Variants in EYS observed in about 807,000 individuals in gnomAD.
EYS encodes EGF-like photoreceptor maintenance factor.
EYS carries 250 observed loss-of-function variants against 282.1 expected under a neutral mutation model. The observed-to-expected ratio is 0.89, with a 90% CI of 0.80 to 0.98. The LOEUF (loss-of-function observed/expected upper bound fraction) is 0.98, where lower values mean the gene tolerates loss of function less well. Among genes scored for constraint, EYS ranks in the 50% least tolerant of loss-of-function variants. The pLI, the probability that EYS is intolerant of heterozygous loss-of-function variation, is 0.00. For missense variants in EYS, 4,016 were observed against 3,709.0 expected, an observed-to-expected ratio of 1.08 and a Z score of -2.15; for synonymous variants, 1,355 against 1,282.9, an observed-to-expected ratio of 1.06 and a Z score of -1.20.
chr6:63,940,568 T>C (rs1765203588), intron 35 of EYS, among the ~76,000 whole-genome samples: 1 of 152,170 alleles, frequency 6.6e-6, no homozygotes, highest in African/African-American at 2.4e-5. Flanking sequence ...GAATGTAGTA[T>C]GGCTTAAAAA....
intron 15 of EYS, among the ~76,000 whole-genome samples, chr6:64,941,810 A>G (rs1468406382): frequency 1.3e-5 from 2 of 152,160 alleles, no homozygotes; most frequent in African/African-American, 4.8e-5. Context: ...TCATGGCTGC[A>G]TAGTAGTCCA....
At chr6:64,462,040 T>A (rs1366699677) in intron 26 of EYS, among the ~76,000 whole-genome samples, 3 of 152,114 alleles carry the variant, frequency 2.0e-5, no homozygotes, top group Non-Finnish European at 2.9e-5. Flanking sequence ...CAGAAAACAT[T>A]TAAGAAGTAA....
chr6:64,103,304 G>A (rs1433118080), intron 31 of EYS, among the ~76,000 whole-genome samples: 1 of 152,078 alleles, frequency 6.6e-6, no homozygotes, highest in African/African-American at 2.4e-5. Flanking sequence ...TATGAGATAA[G>A]GAAACACTTA....
chr6:65,052,677 T>G (rs866518833), intron 13 of EYS, among the ~76,000 whole-genome samples: 3 of 151,790 alleles, frequency 2.0e-5, no homozygotes, highest in Middle Eastern at 3.4e-3. Context: ...AAGTGAAAAC[T>G]CATTTTTACA....
intron 8 of EYS, among the ~76,000 whole-genome samples, chr6:65,369,960 A>C (rs1342238478): frequency 2.0e-5 from 3 of 151,638 alleles, no homozygotes; most frequent in Non-Finnish European, 4.4e-5. Context: ...CTGTCTCCGA[A>C]GACTGATAAA....
chr6:64,066,486 C>T lies in EYS; in HGVS notation c.6577G>A (p.Gly2193Arg). The change falls in exon 33 of 43, where the codon GGG becomes AGG. Residue 2193 changes from glycine (G) to arginine (R), a missense_variant. Physicochemically the swap from Gly to Arg is moderately radical, Grantham distance 125 (BLOSUM62 -2). Coordinates refer to ENST00000503581, the MANE Select transcript of EYS (RefSeq NM_001142800.2). ...SLNGTILYSNGNNCGKQFLHL... is the reference protein window; with the variant it reads ...SLNGTILYSNRNNCGKQFLHL... Reference sequence around the variant, plus strand: ...AGAAACTGCTTTCCACAATTATTCCCATTACCTTTAAGAAAAAAAGAATAT... The same window carrying T: ...AGAAACTGCTTTCCACAATTATTCCTATTACCTTTAAGAAAAAAAGAATAT... The T allele has an allele frequency of 6.5e-7, 1 of 1,527,270 alleles. No homozygotes were observed. The allele number at this position is 1,527,270 out of a possible 1,614,324, so 94.6% of individuals were successfully genotyped here. A position where few individuals can be genotyped will look rare whatever the true frequency, so the allele number is the denominator to read the frequency against.
chr6:64,662,443 A>C (rs2149889290), intron 22 of EYS, among the ~76,000 whole-genome samples: 1 of 152,270 alleles, frequency 6.6e-6, no homozygotes, highest in South Asian at 2.1e-4. Flanking sequence ...TTTGTCCAGT[A>C]GAGATGCAAA....
intron 30 of EYS, among the ~76,000 whole-genome samples, chr6:64,275,609 G>A (rs1255941992): frequency 6.6e-6 from 1 of 151,478 alleles, no homozygotes; most frequent in African/African-American, 2.4e-5. Context: ...GTAGAGACAT[G>A]GTTTCACCGT....
intron 36 of EYS, among the ~76,000 whole-genome samples, chr6:63,827,829 C>T (rs372868308): frequency 5.5e-4 from 68 of 124,384 alleles, no homozygotes; most frequent in African/African-American, 1.7e-3. Context: ...CCGGCCTGGG[C>T]GACAGAGCAA....
At chr6:64,897,730 A>C (rs775028094) in intron 18 of EYS, among the ~76,000 whole-genome samples, 1 of 152,202 alleles carries the variant, frequency 6.6e-6, no homozygotes, top group Non-Finnish European at 1.5e-5. Flanking sequence ...GGAATTGCTA[A>C]CTAGAATAAC....
Position 64,714,528 on chromosome 6 carries a change from T to C in EYS, c.3444-88283A>G, listed in dbSNP as rs1254679548. Among the ~76,000 whole-genome samples the C allele has an allele frequency of 6.5e-3, 932 of 144,180 alleles. 17 individuals carry two copies. Among genetic ancestry groups the C allele is most frequent in the South Asian group, 0.016 (72 of 4,532 alleles). 94.6% of individuals were successfully genotyped at this position (144,180 alleles called of 152,430 possible). A position where few individuals can be genotyped will look rare whatever the true frequency, so the allele number is the denominator to read the frequency against. On this transcript the variant is annotated intron_variant, in intron 22 of 42. Transcript: ENST00000503581. ...ATTTTCTTTCTTTCTTTTTTTTTTT[T>C]TTTTTTTTTTTTTTTGAGACGGAGT...
intron 33 of EYS, among the ~76,000 whole-genome samples, chr6:64,063,877 G>A (rs1048300881): frequency 2.6e-5 from 4 of 151,954 alleles, no homozygotes; most frequent in Admixed American, 6.6e-5. Context: ...TTACAGGCAC[G>A]TGCCACCATG....
chr6:64,046,046 CATAAT>C (rs906264939), intron 33 of EYS, among the ~76,000 whole-genome samples: 12 of 146,504 alleles, frequency 8.2e-5, no homozygotes, highest in African/African-American at 1.2e-4. Context: ...ATATATGTAA[CATAAT>C]ATATGTATTA....
intron 1 of EYS, among the ~76,000 whole-genome samples, chr6:65,678,860 G>T (rs1490122): frequency 3.4e-5 from 5 of 148,202 alleles, no homozygotes; most frequent in Non-Finnish European, 7.4e-5. Flanking sequence ...TTCATGAAAA[G>T]ATGCTAAATC....
intron 12 of EYS, among the ~76,000 whole-genome samples, chr6:65,139,686 C>T (rs1764278500): frequency 6.6e-6 from 1 of 152,066 alleles, no homozygotes; most frequent in East Asian, 1.9e-4. Context: ...ATGCACTCCT[C>T]CCGTTCTTAG....
At chr6:64,097,596 T>G (rs993560578) in intron 31 of EYS, among the ~76,000 whole-genome samples, 2 of 152,112 alleles carry the variant, frequency 1.3e-5, no homozygotes, top group Non-Finnish European at 2.9e-5. Context: ...GCTAAGAGGG[T>G]TGGAAAAGCC....
chr6:65,598,226 T>TCC (rs1765478622), intron 2 of EYS, among the ~76,000 whole-genome samples: 3 of 45,816 alleles, frequency 6.5e-5, no homozygotes, highest in African/African-American at 3.4e-4. Context: ...GAGAAGACCC[T>TCC]CCTCCCCACC....
At chr6:65,454,423 A>C (rs1764526325) in intron 5 of EYS, among the ~76,000 whole-genome samples, 1 of 151,806 alleles carries the variant, frequency 6.6e-6, no homozygotes. Flanking sequence ...TAGATGTATA[A>C]TTTGCACATA....
intron 33 of EYS, among the ~76,000 whole-genome samples, chr6:64,065,454 C>T (rs561479217): frequency 2.6e-5 from 4 of 152,148 alleles, no homozygotes; most frequent in East Asian, 3.9e-4. Context: ...TTTAGTAATG[C>T]CCCTGAGATG....
Sources: gnomAD v4.1 joint callset for allele counts (sites outside exome capture counted in the v4.1 genomes callset) on GRCh38, gnomAD v4.1.1 for gene constraint, MANE v1.5 for transcripts, NCBI Gene and HGNC (gene_info 2026-07-23, HGNC 2026-07-21) for gene names.